The following DAAM2 variants were observed in gnomAD, a reference collection of about 807,000 sequenced individuals.
The protein encoded by DAAM2 is dishevelled associated activator of morphogenesis 2.
A neutral mutation model predicts 120.7 loss-of-function variants in DAAM2; 39 were observed. That is an observed-to-expected ratio of 0.32 (90% confidence interval 0.25 to 0.42). The LOEUF (loss-of-function observed/expected upper bound fraction) is 0.42. Ranked by LOEUF, DAAM2 falls within the 10% of genes least tolerant of loss-of-function variation. The pLI, the probability that DAAM2 is intolerant of heterozygous loss-of-function variation, is 1.00. For synonymous variants in DAAM2, 488 were observed against 524.9 expected (o/e 0.93, Z 0.96); for missense variants, 1,283 against 1,401.7 (o/e 0.92, Z 1.35).
rs1275442623 is a variant in DAAM2, at chr6:39,904,029, T to C, written c.*1992T>C. On this transcript the variant is annotated 3_prime_UTR_variant, in exon 25 of 25. Coordinates refer to ENST00000274867, the MANE Select transcript of DAAM2 (RefSeq NM_001201427.2). ...TTGTGGGTGAGGCCTCTAAAGGTCC[T>C]CTCCCAAACTGACCAGGCTGATGTC... 1.4e-5 allele frequency: 5 copies of C among 364,928 alleles called. No homozygotes were observed. The East Asian group carries it at 3.6e-4, about 26-fold the overall frequency. The allele number at this position is 364,928 out of a possible 1,614,324, so 22.6% of individuals were successfully genotyped here.
At chr6:39,822,917 C>G (rs1358924157) in intron 1 of DAAM2, 1 of 152,244 alleles carries the variant, frequency 6.6e-6, no homozygotes, top group East Asian at 1.9e-4. Flanking sequence ...GCCCCAGAGA[C>G]CCCTGGGAAC....
At chr6:39,888,807 C>A in intron 17 of DAAM2, 44 bp downstream of exon 17, 5 of 1,493,090 alleles carry the variant, frequency 3.3e-6, no homozygotes, top group Non-Finnish European at 4.6e-6. Context: ...ACCCAGCGGG[C>A]AGCCACGCCC....
chr6:39,872,776 G>C (rs531210478), intron 9 of DAAM2, among the ~76,000 whole-genome samples: 6 of 152,036 alleles, frequency 3.9e-5, no homozygotes, highest in African/African-American at 1.5e-4. Context: ...CCAGGTGGTG[G>C]ACCTGCGCCA....
intron 1 of DAAM2, among the ~76,000 whole-genome samples, chr6:39,840,817 C>T (rs971624372): frequency 6.6e-5 from 10 of 152,128 alleles, no homozygotes; most frequent in African/African-American, 2.4e-4. Context: ...AAGAAGATCA[C>T]AACCCAGGGA....
intron 10 of DAAM2, among the ~76,000 whole-genome samples, chr6:39,874,607 T>C (rs6928182): frequency 0.037 from 5,625 of 152,300 alleles, 316 homozygotes; most frequent in African/African-American, 0.12. Flanking sequence ...GATGTCAGGA[T>C]TGAACTTGTT....
chr6:39,836,158 C>G (rs562202797), intron 1 of DAAM2, among the ~76,000 whole-genome samples: 64 of 152,250 alleles, frequency 4.2e-4, no homozygotes, highest in African/African-American at 7.0e-4. Flanking sequence ...AGACCTCCCC[C>G]CTGTGCAGAA....
chr6:39,814,937 T>C (rs1012636387), intron 1 of DAAM2, among the ~76,000 whole-genome samples: 1 of 152,246 alleles, frequency 6.6e-6, no homozygotes, highest in South Asian at 2.1e-4. Context: ...GTCATTGATA[T>C]TGTGACCAGA....
chr6:39,878,147 A>G lies in DAAM2; in HGVS notation c.1302-56A>G. The G allele has an allele frequency of 6.3e-7, 1 of 1,588,638 alleles. No homozygotes were observed. The highest frequency in any genetic ancestry group is 8.6e-7 in the Non-Finnish European group (1 of 1,160,158). On this transcript the variant is annotated intron_variant, in intron 11 of 24. Coordinates refer to ENST00000274867, the MANE Select transcript of DAAM2 (RefSeq NM_001201427.2). This position sits in a 1 kb window ranked among gnomAD's most constrained non-coding sequence, Gnocchi z 5.0. ...GGGTAGAAAGATGATGTCTCCTGGG[A>G]AGCTGTGAATCAATGGTCAACAATC...
chr6:39,837,099 C>T (rs1200084198), intron 1 of DAAM2, among the ~76,000 whole-genome samples: 1 of 152,168 alleles, frequency 6.6e-6, no homozygotes, highest in Non-Finnish European at 1.5e-5. Context: ...GTAGAGAAAC[C>T]TGCTGCCCAC....
Position 39,901,045 on chromosome 6 carries a change from T to G in DAAM2, c.2812-257T>G, listed in dbSNP as rs1298211403. ...CCCAAGGTCTATACCCCTGACCTCA[T>G]GCCTACCCCTTACAGGCCCAGGGGT... On this transcript the variant is annotated intron_variant, in intron 23 of 24. Coordinates refer to ENST00000274867, the MANE Select transcript of DAAM2 (RefSeq NM_001201427.2). The surrounding 1 kb of genome is among the most constrained non-coding windows in gnomAD (Gnocchi z 4.5). Among the ~76,000 whole-genome samples, 2 of 152,128 alleles carry G rather than the reference T, an allele frequency of 1.3e-5. No individual in the cohort carries two copies. Among genetic ancestry groups the G allele is most frequent in the Non-Finnish European group, 2.9e-5 (2 of 67,994 alleles).
At chr6:39,842,138 C>T (rs1193303946) in intron 1 of DAAM2, among the ~76,000 whole-genome samples, 1 of 152,162 alleles carries the variant, frequency 6.6e-6, no homozygotes, top group African/African-American at 2.4e-5. Flanking sequence ...GGACCTGAGT[C>T]ATTGGCTGGG....
rs192705381 is a variant in DAAM2 at position 39,894,819 on chromosome 6, A to G, written c.2342-1993A>G. On this transcript the variant is annotated intron_variant, in intron 19 of 24. Transcript: ENST00000274867. ...ATTTTTGTAGAGACAGGGTTTCACC[A>G]TGTTGCCTAGGCTGGTCTCAAACTC... Among the ~76,000 whole-genome samples the G allele has an allele frequency of 5.6e-4, 85 of 152,106 alleles. 2 individuals are homozygous for G. The highest frequency in any genetic ancestry group is 4.7e-3 in the Admixed American group (72 of 15,286).
chr6:39,886,731 T>G lies in DAAM2; in HGVS notation c.1954-755T>G, dbSNP rs1765397290. On this transcript the variant is annotated intron_variant, in intron 15 of 24. Coordinates refer to ENST00000274867, the MANE Select transcript of DAAM2 (RefSeq NM_001201427.2). ...CACCAGGCCAAAGGAGAGCCTTTCC[T>G]GTAAGGACACACAGGGTAGGCACGA... 6 of 349,382 alleles carry G rather than the reference T, an allele frequency of 1.7e-5. No homozygotes were observed. The East Asian group carries it at 2.5e-4, about 15-fold the overall frequency. The allele number at this position is 349,382 out of a possible 1,614,324, so 21.6% of individuals were successfully genotyped here.
At chr6:39,840,956 G>C (rs565657611) in intron 1 of DAAM2, among the ~76,000 whole-genome samples, 32 of 149,894 alleles carry the variant, frequency 2.1e-4, no homozygotes, top group African/African-American at 7.9e-4. Flanking sequence ...TAGGTGTTCC[G>C]GCTGAGGTTC....
intron 1 of DAAM2, among the ~76,000 whole-genome samples, chr6:39,835,514 C>T (rs1763069139): frequency 1.3e-5 from 2 of 152,180 alleles, no homozygotes; most frequent in South Asian, 2.1e-4. Context: ...CTTCTTTAGC[C>T]TGCAGGAGGG....
intron 17 of DAAM2, among the ~76,000 whole-genome samples, chr6:39,889,958 T>C (rs1765605060): frequency 6.6e-6 from 1 of 152,018 alleles, no homozygotes; most frequent in Admixed American, 6.6e-5. Context: ...TGAGACCCCA[T>C]CTTTACTAAA....
intron 3 of DAAM2, among the ~76,000 whole-genome samples, chr6:39,864,164 T>TA (rs143368561): frequency 6.6e-6 from 1 of 152,146 alleles, no homozygotes; most frequent in Non-Finnish European, 1.5e-5. Context: ...AAAGAATTTT[T>TA]AAAAAATGGT....
chr6:39,847,290 G>A lies in DAAM2; in HGVS notation c.-56-8957G>A, dbSNP rs146518116. Among the ~76,000 whole-genome samples, 78 of 152,290 alleles carry A rather than the reference G, an allele frequency of 5.1e-4. 1 individual carries two copies. In the East Asian group the frequency reaches 0.013, roughly 24 times the overall value. Reference sequence around the variant, plus strand: ...TTCTCCCAGTCCTGGGCTGTGGAACGGTGCTGAGGCCTCAGCGATGGGTTG... The same window carrying A: ...TTCTCCCAGTCCTGGGCTGTGGAACAGTGCTGAGGCCTCAGCGATGGGTTG... On this transcript the variant is annotated intron_variant, in intron 1 of 24. Transcript: ENST00000274867.
At chr6:39,848,401 C>T (rs192329573) in intron 1 of DAAM2, among the ~76,000 whole-genome samples, 6 of 152,210 alleles carry the variant, frequency 3.9e-5, no homozygotes, top group South Asian at 2.1e-4. Context: ...GTTTAGTGCC[C>T]TAGTGAGTCA....
Sources: gnomAD v4.1 joint callset for allele counts (sites outside exome capture counted in the v4.1 genomes callset) on GRCh38, gnomAD v4.1.1 for gene constraint, Gnocchi (gnomAD v3.1) non-coding constraint, MANE v1.5 for transcripts, NCBI Gene and HGNC (gene_info 2026-07-23, HGNC 2026-07-21) for gene names.